The following IGHMBP2 variants were observed in gnomAD, a reference collection of about 807,000 sequenced individuals.
IGHMBP2 encodes the protein immunoglobulin mu DNA binding protein 2.
IGHMBP2 carries 81 observed loss-of-function variants against 96.0 expected under a neutral mutation model. That is an observed-to-expected ratio of 0.84 (90% CI 0.71 to 1.01). IGHMBP2 has a LOEUF of 1.01. Ranked by LOEUF, IGHMBP2 falls within the 50% of genes least tolerant of loss-of-function variation. The pLI, the probability that IGHMBP2 is intolerant of heterozygous loss-of-function variation, is 0.00. For missense variants in IGHMBP2, 1,227 were observed against 1,306.3 expected (o/e 0.94, Z 0.94); for synonymous variants, 557 against 548.9 (o/e 1.01, Z -0.21).
Position 68,939,814 on chromosome 11 carries a change from G to C in IGHMBP2, c.*83G>C. On this transcript the variant is annotated 3_prime_UTR_variant, in exon 15 of 15. Transcript: ENST00000255078. ...CAGACCATGCTCCGCCTCCACCAGG[G>C]CCACAGAGGAGCGGAGGGGCCTATG... 7.0e-7 allele frequency: 1 copy of C among 1,436,386 alleles called. No individual in the cohort carries two copies. The highest frequency in any genetic ancestry group is 9.5e-7 in the Non-Finnish European group (1 of 1,051,432). The allele number at this position is 1,436,386 out of a possible 1,614,324, so 89.0% of individuals were successfully genotyped here. A position where few individuals can be genotyped will look rare whatever the true frequency, so the allele number is the denominator to read the frequency against.
intron 12 of IGHMBP2, 56 bp downstream of exon 12, chr11:68,935,478 T>C (rs1457116442): frequency 8.7e-6 from 14 of 1,606,244 alleles, no homozygotes; most frequent in Middle Eastern, 3.3e-4. Flanking sequence ...ATTTATTGAT[T>C]GAGGGGCATA....
In IGHMBP2 at chr11:68,936,637, A is replaced by G. The variant is rs774145467; in HGVS notation, c.2157A>G (p.Gly719=). 6.2e-7 allele frequency: 1 copy of G among 1,613,848 alleles called. No homozygotes were observed. The highest frequency in any genetic ancestry group is 8.5e-7 in the Non-Finnish European group (1 of 1,179,976). The change falls in exon 13 of 15, where the codon GGA becomes GGG. Residue 719 remains glycine, a synonymous_variant. Transcript: ENST00000255078. ...QPSLNGGSPE[G]VESQDGVDHF... ...GCCTCAACGGAGGCAGCCCAGAGGG[A>G]GTGGAGAGCCAAGATGGCGTGGACC...
Position 68,936,776 on chromosome 11 carries a change from G to A in IGHMBP2, c.2296G>A (p.Gly766Arg), listed in dbSNP as rs201989968. 5.6e-6 allele frequency: 9 copies of A among 1,614,066 alleles called. No homozygotes were observed. The highest frequency in any genetic ancestry group is 4.5e-5 in the East Asian group (2 of 44,876). ...GGTCCACCAAATAGCCGAGGAGCAC[G>A]GGCTGAGGCACGACAGTTCCGGGGA... Reference protein sequence around the residue: ...LRVHQIAEEHGLRHDSSGEGK... With the variant: ...LRVHQIAEEHRLRHDSSGEGK... Residue 766 changes from glycine (G) to arginine (R), a missense_variant, in exon 13 of 15, where the codon GGG (glycine) becomes AGG (arginine). By Grantham distance (125) the Gly-to-Arg change is moderately radical. Transcript: ENST00000255078.
At chr11:68,925,790 T>C (rs1859044319) in intron 7 of IGHMBP2, among the ~76,000 whole-genome samples, 1 of 152,174 alleles carries the variant, frequency 6.6e-6, no homozygotes, top group South Asian at 2.1e-4. Flanking sequence ...CCTGCATACT[T>C]TCTGATGGGA....
rs768631087 is a variant in IGHMBP2, at chr11:68,906,166, C to A, written c.184C>A (p.Arg62=). 3.8e-5 allele frequency: 62 copies of A among 1,614,050 alleles called. No homozygotes were observed. Among genetic ancestry groups the A allele is most frequent in the Non-Finnish European group, 4.8e-5 (57 of 1,180,036 alleles). Residue 62 remains arginine, a synonymous_variant, in exon 2 of 15, where the codon CGG becomes AGG. Transcript: ENST00000255078. ...VSSQRTGLYG[R]LLVTFEPRRY... ...CAGCCAGCGCACTGGGCTGTACGGA[C>A]GGCTGCTGGTCACCTTTGAGCCCAG...
At chr11:68,906,427 C>A (rs1858197389) in intron 2 of IGHMBP2, 189 bp downstream of exon 2, 3 of 664,320 alleles carry the variant, frequency 4.5e-6, no homozygotes, top group Non-Finnish European at 8.0e-6. Flanking sequence ...AAAATGGTAG[C>A]CATTAGCCAT....
In IGHMBP2 at chr11:68,917,945, C is replaced by T; in HGVS notation, c.1060+62C>T. ...AAGAAGGAGTTGGGGTGTGTTCCCT[C>T]TTCTGTTTTCTGGAAGAGTTTGTTT... On this transcript the variant is annotated intron_variant, in intron 7 of 14. Transcript: ENST00000255078. 4 of 1,547,302 alleles carry T rather than the reference C, an allele frequency of 2.6e-6. No homozygotes were observed. In the South Asian group the frequency reaches 4.5e-5, roughly 17 times the overall value.
intron 8 of IGHMBP2, chr11:68,929,617 TC>T: frequency 2.0e-6 from 1 of 508,682 alleles, no homozygotes; most frequent in African/African-American, 2.1e-5. Flanking sequence ...TTTCTGGTGT[TC>T]CGTCCCTGCT....
Position 68,903,906 on chromosome 11 carries a change from C to G in IGHMBP2, c.-47C>G. ...CCGGTCCGCTGTAACACCGGCCCGG[C>G]GCAGAAGCGGGACGTCGGCTTCTAG... On this transcript the variant is annotated 5_prime_UTR_variant, in exon 1 of 15. Coordinates refer to ENST00000255078, the MANE Select transcript of IGHMBP2 (RefSeq NM_002180.3). The G allele has an allele frequency of 6.2e-7, 1 of 1,605,342 alleles. No homozygotes were observed. The highest frequency in any genetic ancestry group is 8.5e-7 in the Non-Finnish European group (1 of 1,175,190).
chr11:68,937,146 CA>C, intron 13 of IGHMBP2, 55 bp downstream of exon 13: 1 of 1,590,272 alleles, frequency 6.3e-7, no homozygotes, highest in Non-Finnish European at 8.5e-7. Flanking sequence ...GTGCTGGCCC[CA>C]CTTGGAGCCC....
chr11:68,924,615 G>C (rs1858996846), intron 7 of IGHMBP2, among the ~76,000 whole-genome samples: 3 of 152,256 alleles, frequency 2.0e-5, no homozygotes, highest in Admixed American at 2.0e-4. Context: ...GCTCTTAGCT[G>C]TTTGCCCTTA....
chr11:68,913,610 G>A lies in IGHMBP2; in HGVS notation c.712-1213G>A, dbSNP rs76328333. On this transcript the variant is annotated intron_variant, in intron 5 of 14. Coordinates refer to ENST00000255078, the MANE Select transcript of IGHMBP2 (RefSeq NM_002180.3). ...AGGCATGAGCCACCGTACTTGGCCA[G>A]CGTCTCACTTTTAATAGTGGAGCTG... 5.4e-3 allele frequency among the ~76,000 whole-genome samples: 827 copies of A among 152,026 alleles called. 6 individuals carry two copies. The highest frequency in any genetic ancestry group is 8.9e-3 in the Admixed American group (136 of 15,280).
chr11:68,916,724 A>C (rs1215445271), intron 6 of IGHMBP2, among the ~76,000 whole-genome samples: 1 of 151,982 alleles, frequency 6.6e-6, no homozygotes, highest in Non-Finnish European at 1.5e-5. Flanking sequence ...GGCTGCTTGC[A>C]TGGCAGCGTG....
chr11:68,931,528 C>T (rs513476), intron 8 of IGHMBP2, among the ~76,000 whole-genome samples: 37,943 of 152,114 alleles, frequency 0.25, 5,460 homozygotes, highest in South Asian at 0.46. Flanking sequence ...GCTGTAGCCC[C>T]GCCCTTCTGG....
At chr11:68,910,022 A>T (rs1213545847) in intron 4 of IGHMBP2, among the ~76,000 whole-genome samples, 1 of 152,224 alleles carries the variant, frequency 6.6e-6, no homozygotes, top group Non-Finnish European at 1.5e-5. Flanking sequence ...ATGATTTAAC[A>T]GTCCTGTGAG....
At chr11:68,930,513 G>T in intron 8 of IGHMBP2, 1 of 1,267,810 alleles carries the variant, frequency 7.9e-7, no homozygotes, top group Non-Finnish European at 1.0e-6. Context: ...GATGGTGGAA[G>T]AAAGAGGAGT....
At chr11:68,928,624 G>A (rs1859157883) in intron 7 of IGHMBP2, among the ~76,000 whole-genome samples, 1 of 152,182 alleles carries the variant, frequency 6.6e-6, no homozygotes, top group Non-Finnish European at 1.5e-5. Flanking sequence ...AACAGGCTTA[G>A]GGGTGGGAGG....
At chr11:68,927,220 T>G (rs909724137) in intron 7 of IGHMBP2, among the ~76,000 whole-genome samples, 1 of 152,246 alleles carries the variant, frequency 6.6e-6, no homozygotes, top group African/African-American at 2.4e-5. Context: ...GGGTTTGTTG[T>G]TGTTGCCACT....
intron 6 of IGHMBP2, 143 bp downstream of exon 6, chr11:68,915,166 C>CCAT (rs1191505010): frequency 5.7e-6 from 1 of 176,576 alleles, no homozygotes; most frequent in African/African-American, 5.6e-5. Flanking sequence ...TTGGGCTGCC[C>CCAT]TTTTTTTTTT....
Sources: gnomAD v4.1 joint callset for allele counts (sites outside exome capture counted in the v4.1 genomes callset) on GRCh38, gnomAD v4.1.1 for gene constraint, MANE v1.5 for transcripts, NCBI Gene and HGNC (gene_info 2026-07-23, HGNC 2026-07-21) for gene names.